Variants in HRH1 observed in about 807,000 individuals in gnomAD.
The protein encoded by HRH1 is histamine receptor H1.
HRH1 carries 6 observed loss-of-function variants against 10.3 expected under a neutral mutation model. That is an observed-to-expected ratio of 0.58 (90% CI 0.32 to 1.15). The LOEUF (loss-of-function observed/expected upper bound fraction) is 1.15. Ranked by LOEUF, HRH1 falls within the 50% of genes most tolerant of loss-of-function variation. The pLI is 0.05. For missense variants in HRH1, 514 were observed against 615.3 expected (o/e 0.84, Z 1.74); for synonymous variants, 242 against 236.7 (o/e 1.02, Z -0.21).
At chr3:11,242,277 C>A (rs961217785) in intron 1 of HRH1, among the ~76,000 whole-genome samples, 1 of 151,998 alleles carries the variant, frequency 6.6e-6, no homozygotes, top group African/African-American at 2.4e-5. Context: ...GTCAGGAGAT[C>A]AAGACCATCC....
chr3:11,174,559 T>C (rs2125014097), intron 1 of HRH1, among the ~76,000 whole-genome samples: 1 of 152,172 alleles, frequency 6.6e-6, no homozygotes, highest in Admixed American at 6.5e-5. Flanking sequence ...ACAGCTTCTG[T>C]GGTGAAAAGG....
chr3:11,144,385 ATGTG>A (rs575777385), intron 1 of HRH1, among the ~76,000 whole-genome samples: 1 of 151,254 alleles, frequency 6.6e-6, no homozygotes, highest in Non-Finnish European at 1.5e-5. Context: ...ATATGTCTAT[ATGTG>A]TATATATACA....
intron 1 of HRH1, among the ~76,000 whole-genome samples, chr3:11,204,561 C>T (rs138520173): frequency 1.3e-5 from 2 of 152,238 alleles, no homozygotes; most frequent in East Asian, 3.9e-4. Flanking sequence ...CACTGAATCA[C>T]CGAAGGGGAA....
At chr3:11,258,488 T>C (rs1384141366) in intron 1 of HRH1, among the ~76,000 whole-genome samples, 3 of 152,144 alleles carry the variant, frequency 2.0e-5, no homozygotes, top group African/African-American at 4.8e-5. Flanking sequence ...ATTTTTGTTG[T>C]TTTGATCATT....
rs754966734 is a variant in HRH1, at chr3:11,260,021, T to C, written c.984T>C (p.His328=). ...ACTATGTAGCCGTCAACCGGAGCCA[T>C]GGCCAGCTCAAGACAGATGAGCAGG... is the stretch of plus-strand genomic sequence containing the variant. ...SRDYVAVNRS[H]GQLKTDEQGL... The change falls in exon 2 of 2, where the codon CAT becomes CAC. Residue 328 remains histidine, a synonymous_variant. Coordinates refer to ENST00000431010, the MANE Select transcript of HRH1 (RefSeq NM_001098212.2). 6.2e-7 allele frequency: 1 copy of C among 1,614,070 alleles called. No individual in the cohort carries two copies. Among genetic ancestry groups the C allele is most frequent in the Non-Finnish European group, 8.5e-7 (1 of 1,180,012 alleles).
At chr3:11,160,877 A>C (rs1185510017) in intron 1 of HRH1, among the ~76,000 whole-genome samples, 1 of 152,250 alleles carries the variant, frequency 6.6e-6, no homozygotes. Context: ...CAACTGGGTG[A>C]TTGAGAAAGG....
chr3:11,158,503 G>C (rs1936861109), intron 1 of HRH1, among the ~76,000 whole-genome samples: 1 of 152,226 alleles, frequency 6.6e-6, no homozygotes, highest in African/African-American at 2.4e-5. Flanking sequence ...CTGTTACACT[G>C]AGCTTTCCAT....
At chr3:11,161,102 C>T (rs758947988) in intron 1 of HRH1, among the ~76,000 whole-genome samples, 1 of 152,098 alleles carries the variant, frequency 6.6e-6, no homozygotes, top group Non-Finnish European at 1.5e-5. Context: ...AAATGTCATT[C>T]TCCTCCTGCC....
chr3:11,165,470 T>A (rs1192382177), intron 1 of HRH1, among the ~76,000 whole-genome samples: 1 of 152,182 alleles, frequency 6.6e-6, no homozygotes, highest in Non-Finnish European at 1.5e-5. Flanking sequence ...TTAGGGGGTT[T>A]TTTTCCTCTG....
intron 1 of HRH1, among the ~76,000 whole-genome samples, chr3:11,178,868 C>A (rs186089223): frequency 1.3e-5 from 2 of 152,320 alleles, no homozygotes; most frequent in Admixed American, 6.5e-5. Flanking sequence ...CTCTCGGAGT[C>A]TCAGCTTTCT....
intron 1 of HRH1, among the ~76,000 whole-genome samples, chr3:11,257,890 C>T (rs1939824856): frequency 6.6e-6 from 1 of 152,122 alleles, no homozygotes; most frequent in Admixed American, 6.6e-5. Context: ...AGTGATCATT[C>T]CACCTTTAAC....
chr3:11,216,952 G>C (rs1296463038), intron 1 of HRH1, among the ~76,000 whole-genome samples: 1 of 151,988 alleles, frequency 6.6e-6, no homozygotes, highest in African/African-American at 2.4e-5. Flanking sequence ...GGGAGGCCGA[G>C]GCGGGCAGAT....
At chr3:11,230,627 T>C (rs1047920968) in intron 1 of HRH1, among the ~76,000 whole-genome samples, 2 of 152,160 alleles carry the variant, frequency 1.3e-5, no homozygotes, top group Admixed American at 6.6e-5. Flanking sequence ...TCAGACCTCC[T>C]GAGCCATTTT....
At chr3:11,248,498 G>A (rs1233894655) in intron 1 of HRH1, among the ~76,000 whole-genome samples, 3 of 152,206 alleles carry the variant, frequency 2.0e-5, no homozygotes, top group Non-Finnish European at 4.4e-5. Context: ...GAAATGCCAA[G>A]GTGAGAGGGA....
At chr3:11,225,622 A>G (rs1938855594) in intron 1 of HRH1, among the ~76,000 whole-genome samples, 1 of 152,240 alleles carries the variant, frequency 6.6e-6, no homozygotes, top group Non-Finnish European at 1.5e-5. Flanking sequence ...TGTGACACCC[A>G]CAGTCTAGTG....
intron 1 of HRH1, among the ~76,000 whole-genome samples, chr3:11,225,768 C>T (rs1265886117): frequency 6.6e-6 from 1 of 152,270 alleles, no homozygotes. Flanking sequence ...TCACTTCAAC[C>T]TCTGCCTCCC....
chr3:11,253,541 A>G (rs892936920), intron 1 of HRH1, among the ~76,000 whole-genome samples: 1 of 152,156 alleles, frequency 6.6e-6, no homozygotes, highest in Non-Finnish European at 1.5e-5. Flanking sequence ...CTTTCTAAAA[A>G]TTCTGTCGGT....
rs1559289570 is a variant in HRH1 at position 11,260,153 on chromosome 3, C to G, written c.1116C>G (p.Gly372=). 1 of 1,614,044 alleles carries G rather than the reference C, an allele frequency of 6.2e-7. No homozygotes were observed. The highest frequency in any genetic ancestry group is 8.5e-7 in the Non-Finnish European group (1 of 1,180,002). Residue 372 remains glycine (G), a synonymous_variant, in exon 2 of 2, where the codon GGC becomes GGG. Coordinates refer to ENST00000431010, the MANE Select transcript of HRH1 (RefSeq NM_001098212.2). ...ATACCACCACAGAGACAGCACCAGG[C>G]AAAGGCAAATTGAGGAGTGGGTCTA... ...DSDTTTETAP[G]KGKLRSGSNT...
chr3:11,243,023 C>T (rs1939390970), intron 1 of HRH1, among the ~76,000 whole-genome samples: 1 of 152,070 alleles, frequency 6.6e-6, no homozygotes, highest in Non-Finnish European at 1.5e-5. Flanking sequence ...AAGTGATTCT[C>T]CTGCCTCACC....
Sources: gnomAD v4.1 joint callset for allele counts (sites outside exome capture counted in the v4.1 genomes callset) on GRCh38, gnomAD v4.1.1 for gene constraint, MANE v1.5 for transcripts, NCBI Gene and HGNC (gene_info 2026-07-23, HGNC 2026-07-21) for gene names.